PCDH15: variants seen among roughly 807,000 people sequenced by gnomAD.
PCDH15 encodes the protein protocadherin related 15, also known as protocadherin-15.
Under a neutral mutation model 178.5 loss-of-function variants are expected in PCDH15, and 129 were observed. The ratio of observed to expected loss-of-function variants is 0.72; its 90% CI spans 0.63 to 0.84. PCDH15 has a LOEUF of 0.84. Among genes scored for constraint, PCDH15 ranks in the 40% least tolerant of loss-of-function variants. PCDH15 has a pLI of 0.00. For missense variants in PCDH15, 2,230 were observed against 2,099.9 expected (o/e 1.06, Z -1.21); for synonymous variants, 800 against 732.0 (o/e 1.09, Z -1.50).
At chr10:55,475,050 T>C (rs1023052537) in intron 2 of PCDH15, among the ~76,000 whole-genome samples, 1 of 152,096 alleles carries the variant, frequency 6.6e-6, no homozygotes, top group Non-Finnish European at 1.5e-5. Flanking sequence ...CATTTTGTGT[T>C]GCTATAAAGG....
At chr10:54,808,234 A>G (rs900769736) in intron 3 of PCDH15, among the ~76,000 whole-genome samples, 11 of 152,218 alleles carry the variant, frequency 7.2e-5, no homozygotes, top group Non-Finnish European at 1.5e-4. Flanking sequence ...CAAATTTTAA[A>G]AATAATTTAT....
intron 2 of PCDH15, among the ~76,000 whole-genome samples, chr10:55,422,532 T>C (rs1838647914): frequency 6.6e-6 from 1 of 151,876 alleles, no homozygotes; most frequent in Non-Finnish European, 1.5e-5. Flanking sequence ...TTAAATGTAA[T>C]GACCTTCCTC....
rs779429734 is a variant in PCDH15, at chr10:55,393,477, C to T, written c.-155-226826G>A. 4.1e-4 allele frequency among the ~76,000 whole-genome samples: 62 copies of T among 151,932 alleles called. 1 individual carries two copies. The highest frequency in any genetic ancestry group is 1.6e-4 in the Non-Finnish European group (11 of 67,942). On this transcript the variant is annotated intron_variant, in intron 2 of 5. Coordinates refer to the PCDH15 transcript ENST00000613346. The stretch of plus-strand genomic sequence containing the variant: ...TACAAAACTAAGGGGAGAATGAACC[C>T]CCATGTAACAACTGTAAACTGAGAG...
chr10:53,982,367 A>C (rs917768605), intron 21 of PCDH15, among the ~76,000 whole-genome samples: 10 of 152,158 alleles, frequency 6.6e-5, no homozygotes, highest in African/African-American at 2.4e-4. Flanking sequence ...AGACACATGC[A>C]CACGTATGTT....
At chr10:53,869,145 G>T (rs776961433) in intron 26 of PCDH15, among the ~76,000 whole-genome samples, 10 of 152,092 alleles carry the variant, frequency 6.6e-5, no homozygotes, top group Non-Finnish European at 1.0e-4. Context: ...TCAAACTACC[G>T]GCTAATCACT....
At chr10:54,728,935 A>T (rs1268969588) in intron 1 of PCDH15, among the ~76,000 whole-genome samples, 2 of 151,746 alleles carry the variant, frequency 1.3e-5, no homozygotes, top group East Asian at 3.9e-4. Context: ...GAAACAAACA[A>T]ATGGAAATAC....
chr10:54,720,049 T>C (rs1049351922), intron 1 of PCDH15, among the ~76,000 whole-genome samples: 1 of 152,076 alleles, frequency 6.6e-6, no homozygotes, highest in Non-Finnish European at 1.5e-5. Flanking sequence ...AAACAATAGA[T>C]GCTGGTGAGG....
rs146135390 is a variant in PCDH15, at chr10:55,170,612, A to G, written c.-155-3961T>C. 3.2e-3 allele frequency among the ~76,000 whole-genome samples: 485 copies of G among 152,288 alleles called. 1 individual carries two copies. Among genetic ancestry groups the G allele is most frequent in the South Asian group, 0.02 (96 of 4,828 alleles). ...GAAAGCATAATTGATGGCCGAGTGC[A>G]GTGGCTTACACCTGTAATTCCAGCA... On this transcript the variant is annotated intron_variant, in intron 1 of 5. Coordinates refer to the PCDH15 transcript ENST00000458638.
chr10:55,070,823 G>A (rs1841720152), intron 2 of PCDH15, among the ~76,000 whole-genome samples: 3 of 152,004 alleles, frequency 2.0e-5, no homozygotes, highest in Admixed American at 2.0e-4. Context: ...GAAAGTCATT[G>A]GTAGCTTGAT....
intron 3 of PCDH15, among the ~76,000 whole-genome samples, chr10:54,406,016 A>G (rs1952621322): frequency 6.6e-6 from 1 of 152,188 alleles, no homozygotes; most frequent in Admixed American, 6.6e-5. Context: ...GTTTATCTAC[A>G]TTGGTTAGAG....
chr10:54,047,694 T>C (rs953121597), intron 18 of PCDH15, among the ~76,000 whole-genome samples: 10 of 152,152 alleles, frequency 6.6e-5, no homozygotes, highest in African/African-American at 2.4e-4. Flanking sequence ...CCTGCATTAA[T>C]GTACTTAAAA....
At chr10:55,612,648 A>G (rs1329000299) in intron 2 of PCDH15, among the ~76,000 whole-genome samples, 1 of 152,188 alleles carries the variant, frequency 6.6e-6, no homozygotes, top group African/African-American at 2.4e-5. Context: ...GAGATTATGA[A>G]AGCAAAATCT....
chr10:55,578,584 C>CA (rs1842542417), intron 2 of PCDH15, among the ~76,000 whole-genome samples: 1 of 152,086 alleles, frequency 6.6e-6, no homozygotes, highest in African/African-American at 2.4e-5. Context: ...TGAATTATAC[C>CA]AACCGCACTT....
At chr10:54,695,652 A>G (rs2095211777) in intron 1 of PCDH15, among the ~76,000 whole-genome samples, 1 of 152,078 alleles carries the variant, frequency 6.6e-6, no homozygotes, top group South Asian at 2.1e-4. Context: ...CAGGCTGACT[A>G]TCTTGTTATG....
At chr10:54,017,898 C>T (rs994264805) in intron 20 of PCDH15, among the ~76,000 whole-genome samples, 1 of 152,034 alleles carries the variant, frequency 6.6e-6, no homozygotes, top group African/African-American at 2.4e-5. Flanking sequence ...AAAATCCATA[C>T]CCCAAAATTT....
intron 1 of PCDH15, among the ~76,000 whole-genome samples, chr10:54,693,482 C>T (rs2095166321): frequency 6.6e-6 from 1 of 152,122 alleles, no homozygotes; most frequent in South Asian, 2.1e-4. Context: ...TTAATATTTG[C>T]AGTAGAAACA....
chr10:55,435,878 G>A (rs911137837), intron 2 of PCDH15, among the ~76,000 whole-genome samples: 1 of 152,082 alleles, frequency 6.6e-6, no homozygotes, highest in Non-Finnish European at 1.5e-5. Flanking sequence ...TTGTAATAGA[G>A]AAATGATTTT....
chr10:55,359,438 G>T (rs10763196), intron 2 of PCDH15, among the ~76,000 whole-genome samples: 34 of 151,562 alleles, frequency 2.2e-4, no homozygotes, highest in Middle Eastern at 3.4e-3. Context: ...GCCAAAGCAA[G>T]CATAGTGGTG....
At chr10:54,829,426 C>G (rs1181347843) in intron 3 of PCDH15, among the ~76,000 whole-genome samples, 1 of 152,026 alleles carries the variant, frequency 6.6e-6, no homozygotes, top group Non-Finnish European at 1.5e-5. Context: ...ATGCCTTGCA[C>G]TGTTCTAAGG....
Sources: gnomAD v4.1 joint callset for allele counts (sites outside exome capture counted in the v4.1 genomes callset) on GRCh38, gnomAD v4.1.1 for gene constraint, MANE v1.5 for transcripts, NCBI Gene and HGNC (gene_info 2026-07-23, HGNC 2026-07-21) for gene names.